Variants in IRAG1 observed in about 807,000 individuals in gnomAD.
IRAG1 encodes the protein inositol 1,4,5-triphosphate receptor associated 1, also known as IP3R-associated cGMP kinase substrate.
In IRAG1, 62 loss-of-function variants were observed where a neutral mutation model predicts 106.2. The ratio of observed to expected loss-of-function variants is 0.58; its 90% CI spans 0.48 to 0.72. The LOEUF is 0.72. Among genes scored for constraint, IRAG1 ranks in the 30% least tolerant of loss-of-function variants. The pLI is 0.00. For synonymous variants in IRAG1, 462 were observed against 443.9 expected (o/e 1.04, Z -0.51); for missense variants, 1,064 against 1,140.7 (o/e 0.93, Z 0.97).
intron 1 of IRAG1, among the ~76,000 whole-genome samples, chr11:10,678,783 C>T (rs561387223): frequency 6.6e-6 from 1 of 152,338 alleles, no homozygotes. Flanking sequence ...GTAATCGAAG[C>T]TTTTTCCTGG....
chr11:10,634,191 T>G (rs1049839168), intron 2 of IRAG1, 120 bp from the exon 3 acceptor site: 3 of 530,378 alleles, frequency 5.7e-6, no homozygotes, highest in African/African-American at 1.9e-5. Context: ...AGGGGACAAA[T>G]GCAGTTTACT....
chr11:10,624,864 G>C (rs1856114956), intron 9 of IRAG1, among the ~76,000 whole-genome samples: 1 of 151,972 alleles, frequency 6.6e-6, no homozygotes, highest in Non-Finnish European at 1.5e-5. Context: ...AGGAGGCTCT[G>C]ATAACCAGAG....
intron 15 of IRAG1, among the ~76,000 whole-genome samples, chr11:10,600,285 T>C (rs1362614712): frequency 6.6e-6 from 1 of 152,270 alleles, no homozygotes; most frequent in Non-Finnish European, 1.5e-5. Flanking sequence ...TTGAAACTTC[T>C]GTCTTACCCA....
At chr11:10,644,344 T>G (rs1046647259) in intron 2 of IRAG1, among the ~76,000 whole-genome samples, 1 of 152,254 alleles carries the variant, frequency 6.6e-6, no homozygotes, top group African/African-American at 2.4e-5. Context: ...GTTGCTACCA[T>G]TATCTTGTAT....
chr11:10,597,689 A>G (rs1393744484), intron 15 of IRAG1, among the ~76,000 whole-genome samples: 1 of 152,200 alleles, frequency 6.6e-6, no homozygotes, highest in African/African-American at 2.4e-5. Context: ...TCTTAAAAAA[A>G]TTGTCAGATC....
chr11:10,690,676 G>A (rs1269230814), intron 1 of IRAG1, among the ~76,000 whole-genome samples: 3 of 152,144 alleles, frequency 2.0e-5, no homozygotes, highest in African/African-American at 7.2e-5. Flanking sequence ...CTAGCGGCAG[G>A]GTGACATCTA....
intron 1 of IRAG1, among the ~76,000 whole-genome samples, chr11:10,679,448 G>A (rs905432355): frequency 6.6e-6 from 1 of 152,188 alleles, no homozygotes; most frequent in African/African-American, 2.4e-5. Flanking sequence ...GCCCTATGAG[G>A]TGGATGCCAC....
intron 3 of IRAG1, among the ~76,000 whole-genome samples, chr11:10,633,433 C>T (rs35276196): frequency 0.05 from 7,625 of 152,232 alleles, 315 homozygotes; most frequent in Admixed American, 0.11. Context: ...GAGCCCAGTT[C>T]GTGGGCTAGT....
At chr11:10,619,848 A>G (rs1855702624) in intron 10 of IRAG1, among the ~76,000 whole-genome samples, 1 of 152,280 alleles carries the variant, frequency 6.6e-6, no homozygotes, top group Non-Finnish European at 1.5e-5. Context: ...CTGAGAGAAA[A>G]TGAGAGGGAG....
intron 10 of IRAG1, among the ~76,000 whole-genome samples, chr11:10,622,901 A>ACACACACACACACACACACT (rs1220390921): frequency 6.6e-6 from 1 of 150,998 alleles, no homozygotes; most frequent in Non-Finnish European, 1.5e-5. Flanking sequence ...ACACACACAC[A>ACACACACACACACACACACT]CTCCTGCCCT....
chr11:10,641,598 G>T (rs187597845), intron 2 of IRAG1, among the ~76,000 whole-genome samples: 1 of 152,300 alleles, frequency 6.6e-6, no homozygotes, highest in African/African-American at 2.4e-5. Flanking sequence ...CAGGCCCACT[G>T]TGTGGTGGGC....
chr11:10,690,839 C>A (rs556243450), intron 1 of IRAG1, among the ~76,000 whole-genome samples: 2 of 152,258 alleles, frequency 1.3e-5, no homozygotes, highest in South Asian at 2.1e-4. Flanking sequence ...CAATTAATAC[C>A]AATTTTCTCC....
chr11:10,686,536 G>C lies in IRAG1; in HGVS notation c.67+7000C>G, dbSNP rs1266709894. ...AGAAGTGCAAAGTAGAGCAAGCCTA[G>C]TGGGGAAGCTGCTCCAGTGCCCTGC... On this transcript the variant is annotated intron_variant, in intron 1 of 20. Coordinates refer to ENST00000423302, the MANE Select transcript of IRAG1 (RefSeq NM_130385.4). 2.0e-5 allele frequency among the ~76,000 whole-genome samples: 3 copies of C among 152,224 alleles called. No homozygotes were observed. The East Asian group carries it at 5.8e-4, about 29-fold the overall frequency.
At chr11:10,627,887 G>A (rs1193611541) in intron 7 of IRAG1, 86 bp downstream of exon 7, 21 of 1,568,332 alleles carry the variant, frequency 1.3e-5, no homozygotes, top group Non-Finnish European at 1.8e-5. Context: ...CATCTCCAGT[G>A]GGTCACGAAG....
chr11:10,672,538 G>T (rs1195971520), intron 1 of IRAG1, among the ~76,000 whole-genome samples: 2 of 152,136 alleles, frequency 1.3e-5, no homozygotes, highest in Non-Finnish European at 2.9e-5. Flanking sequence ...TGTCTCCAAA[G>T]AATATATGCC....
At chr11:10,667,796 C>T (rs372057209) in intron 1 of IRAG1, among the ~76,000 whole-genome samples, 90 of 152,282 alleles carry the variant, frequency 5.9e-4, no homozygotes, top group South Asian at 3.3e-3. Flanking sequence ...GATTCCTACA[C>T]CCTTCTCAGA....
intron 2 of IRAG1, among the ~76,000 whole-genome samples, chr11:10,646,587 A>C (rs1203311756): frequency 6.6e-6 from 1 of 152,096 alleles, no homozygotes; most frequent in Non-Finnish European, 1.5e-5. Flanking sequence ...CACAAACAAG[A>C]CTGCTTCTCC....
At position 10,600,934 on chromosome 11, in the gene IRAG1, G is replaced by A. The variant is rs1299076946; in HGVS notation, c.2001C>T (p.Arg667=). The part of the protein sequence containing the change: ...FKKLANQNSS[R]SCGPSEDGVP... ...GGTCCTTACCAGAGGGGCCACAGCT[G>A]CGGCTTGAATTCTGATTTGCAAGCT... The change falls in exon 15 of 21, where the codon CGC becomes CGT. Residue 667 remains arginine (R), a synonymous_variant. Coordinates refer to ENST00000423302, the MANE Select transcript of IRAG1 (RefSeq NM_130385.4). The A allele has an allele frequency of 1.9e-6, 3 of 1,613,964 alleles. No homozygotes were observed. Among genetic ancestry groups the A allele is most frequent in the Non-Finnish European group, 1.7e-6 (2 of 1,179,914 alleles).
chr11:10,599,562 T>TG (rs1251245024), intron 15 of IRAG1: 6 of 152,236 alleles, frequency 3.9e-5, no homozygotes, highest in African/African-American at 1.4e-4. Context: ...CTTTGGACTC[T>TG]GGGACATGTC....
Sources: allele counts gnomAD v4.1 joint callset (sites outside exome capture counted in the v4.1 genomes callset), GRCh38; gene constraint gnomAD v4.1.1; transcripts MANE v1.5; gene names NCBI Gene and HGNC (gene_info 2026-07-23, HGNC 2026-07-21).